BTBD9: variants seen among roughly 807,000 people sequenced by gnomAD.
BTBD9 encodes the protein BTB domain containing 9.
In BTBD9, 49 loss-of-function variants were observed where a neutral mutation model predicts 64.3. The ratio of observed to expected loss-of-function variants is 0.76; its 90% CI spans 0.61 to 0.97. The LOEUF is 0.97. Ranked by LOEUF, BTBD9 falls within the 50% of genes least tolerant of loss-of-function variation. The probability of loss-of-function intolerance (pLI) is 0.00; values close to 1 mark genes in which losing one functional copy is unlikely to be tolerated. For synonymous variants in BTBD9, 260 were observed against 274.7 expected, an observed-to-expected ratio of 0.95 and a Z score of 0.53; for missense variants, 598 against 762.1, an observed-to-expected ratio of 0.78 and a Z score of 2.53.
intron 6 of BTBD9, among the ~76,000 whole-genome samples, chr6:38,477,911 A>C (rs1770962337): frequency 6.6e-6 from 1 of 152,208 alleles, no homozygotes; most frequent in Non-Finnish European, 1.5e-5. Context: ...GACAATTCAC[A>C]CAAGGTCTTT....
chr6:38,448,577 G>A (rs1769377757), intron 6 of BTBD9, among the ~76,000 whole-genome samples: 1 of 152,120 alleles, frequency 6.6e-6, no homozygotes, highest in Non-Finnish European at 1.5e-5. Flanking sequence ...GAGTACAGTG[G>A]TGCAATCTTA....
At position 38,215,556 on chromosome 6, in the gene BTBD9, A is replaced by T. The variant is rs562775497; in HGVS notation, c.1563-22959T>A. Among the ~76,000 whole-genome samples, 10 of 152,344 alleles carry T rather than the reference A, an allele frequency of 6.6e-5. No individual in the cohort carries two copies. In the East Asian group the frequency reaches 1.3e-3, roughly 21 times the overall value. Reference sequence around the variant, plus strand: ...ATTGGCTTTCTGTCAAAGATTGTCAAATAGAGCTGTTGGTAATCACAGCTG... The same window carrying T: ...ATTGGCTTTCTGTCAAAGATTGTCATATAGAGCTGTTGGTAATCACAGCTG... On this transcript the variant is annotated intron_variant, in intron 9 of 10. Transcript: ENST00000481247.
intron 10 of BTBD9, chr6:38,179,390 C>G: frequency 2.2e-6 from 1 of 455,922 alleles, no homozygotes; most frequent in Non-Finnish European, 4.4e-6. Context: ...AGAGCGCCCA[C>G]AATGACTCTC....
intron 1 of BTBD9, among the ~76,000 whole-genome samples, chr6:38,633,655 C>T (rs1387096854): frequency 6.6e-6 from 1 of 152,106 alleles, no homozygotes; most frequent in Admixed American, 6.5e-5. Flanking sequence ...TTATGAGTTG[C>T]TGTTAAAACT....
At chr6:38,274,052 A>G (rs1158509818) in intron 8 of BTBD9, among the ~76,000 whole-genome samples, 3 of 152,240 alleles carry the variant, frequency 2.0e-5, no homozygotes, top group East Asian at 3.8e-4. Flanking sequence ...AGATGGATAT[A>G]GGGGAAGGCA....
At chr6:38,242,151 C>T (rs1300150925) in intron 9 of BTBD9, among the ~76,000 whole-genome samples, 1 of 152,106 alleles carries the variant, frequency 6.6e-6, no homozygotes, top group Non-Finnish European at 1.5e-5. Flanking sequence ...GGATAGTTGA[C>T]TTGTACCTTT....
chr6:38,294,321 T>G (rs1762081831), intron 7 of BTBD9, among the ~76,000 whole-genome samples: 1 of 152,246 alleles, frequency 6.6e-6, no homozygotes, highest in South Asian at 2.1e-4. Context: ...TTACTGGGTA[T>G]ATACCCAAAG....
At chr6:38,317,563 T>C (rs1562015974) in intron 7 of BTBD9, among the ~76,000 whole-genome samples, 1 of 152,218 alleles carries the variant, frequency 6.6e-6, no homozygotes, top group Non-Finnish European at 1.5e-5. Context: ...GGAAGTTCTC[T>C]ATTATCTCTT....
At chr6:38,497,594 A>C (rs899509715) in intron 6 of BTBD9, among the ~76,000 whole-genome samples, 1 of 152,188 alleles carries the variant, frequency 6.6e-6, no homozygotes, top group Non-Finnish European at 1.5e-5. Context: ...AAAGGCAGTG[A>C]AGGGGAGGAA....
intron 1 of BTBD9, among the ~76,000 whole-genome samples, chr6:38,633,592 G>A (rs1778431642): frequency 6.6e-6 from 1 of 152,164 alleles, no homozygotes; most frequent in Admixed American, 6.5e-5. Context: ...AGGCAGCCCA[G>A]GAGGTTAATG....
Position 38,176,954 on chromosome 6 carries a change from C to A in BTBD9, c.1642-1772G>T, listed in dbSNP as rs76754614. ...CAGTCCCGGTCCTCAACACCCCCCCCACTAAAGCTTCTCATAACCCAGCAA... is the reference window on the plus strand; with the variant it reads ...CAGTCCCGGTCCTCAACACCCCCCCAACTAAAGCTTCTCATAACCCAGCAA... On this transcript the variant is annotated intron_variant, in intron 10 of 10. Coordinates refer to ENST00000481247, the MANE Select transcript of BTBD9 (RefSeq NM_001099272.2). Among the ~76,000 whole-genome samples the A allele has an allele frequency of 3.5e-3, 539 of 152,302 alleles. 1 individual carries two copies. Among genetic ancestry groups the A allele is most frequent in the South Asian group, 0.029 (142 of 4,820 alleles).
At chr6:38,303,958 T>C (rs2127566015) in intron 7 of BTBD9, among the ~76,000 whole-genome samples, 1 of 148,146 alleles carries the variant, frequency 6.8e-6, no homozygotes, top group Admixed American at 6.8e-5. Flanking sequence ...TGTGTATATA[T>C]ATATATATGT....
intron 6 of BTBD9, among the ~76,000 whole-genome samples, chr6:38,480,832 G>C (rs972213702): frequency 3.2e-4 from 49 of 151,804 alleles, no homozygotes; most frequent in African/African-American, 1.2e-3. Flanking sequence ...TTCCCAAACA[G>C]ACTGTAGTGT....
intron 10 of BTBD9, among the ~76,000 whole-genome samples, chr6:38,182,507 AG>A (rs1464694292): frequency 6.6e-6 from 1 of 152,132 alleles, no homozygotes; most frequent in African/African-American, 2.4e-5. Flanking sequence ...TGGCCTCACC[AG>A]GGCCCCCTTC....
In BTBD9 at chr6:38,413,872, G is replaced by GAAT. The variant is rs897500383; in HGVS notation, c.1155-68782_1155-68780dup. Among the ~76,000 whole-genome samples, 20 of 151,980 alleles carry GAAT rather than the reference G, an allele frequency of 1.3e-4. 1 individual carries two copies. In the South Asian group the frequency reaches 1.5e-3, roughly 11 times the overall value. On this transcript the variant is annotated intron_variant, in intron 6 of 10. Transcript: ENST00000481247. ...TTCAAGTTTCCCAACCATAAAATGA[G>GAAT]AATAATAATAATAATCCATAAAATG...
intron 6 of BTBD9, among the ~76,000 whole-genome samples, chr6:38,399,850 C>T (rs545606723): frequency 2.6e-5 from 4 of 152,174 alleles, no homozygotes; most frequent in Admixed American, 2.6e-4. Context: ...CTCCCGGGTT[C>T]AAGCGATTCT....
intron 9 of BTBD9, among the ~76,000 whole-genome samples, chr6:38,251,075 A>G (rs1456532829): frequency 6.8e-6 from 1 of 147,652 alleles, no homozygotes; most frequent in African/African-American, 2.5e-5. Flanking sequence ...GAGAGAGACT[A>G]TGTCTCAGAA....
intron 6 of BTBD9, among the ~76,000 whole-genome samples, chr6:38,546,983 C>G (rs1046908876): frequency 6.6e-6 from 1 of 152,104 alleles, no homozygotes. Flanking sequence ...GATCTGTTAT[C>G]AGTGTTCTTT....
At chr6:38,176,864 C>A (rs1259139791) in intron 10 of BTBD9, among the ~76,000 whole-genome samples, 1 of 152,216 alleles carries the variant, frequency 6.6e-6, no homozygotes, top group Non-Finnish European at 1.5e-5. Context: ...TATAAGTGTT[C>A]CTTCTTCCAC....
Sources: allele counts gnomAD v4.1 joint callset (sites outside exome capture counted in the v4.1 genomes callset), GRCh38; gene constraint gnomAD v4.1.1; transcripts MANE v1.5; gene names NCBI Gene and HGNC (gene_info 2026-07-23, HGNC 2026-07-21).